Variants in CLNK observed in about 807,000 individuals in gnomAD.
The protein encoded by CLNK is cytokine-dependent hematopoietic cell linker.
Under a neutral mutation model 68.6 loss-of-function variants are expected in CLNK, and 74 were observed. The ratio of observed to expected loss-of-function variants is 1.08; its 90% CI spans 0.89 to 1.31. The LOEUF is 1.31. Ranked by LOEUF, CLNK falls within the 50% of genes most tolerant of loss-of-function variation. The probability of loss-of-function intolerance (pLI) is 0.00; values close to 1 mark genes in which losing one functional copy is unlikely to be tolerated. For missense variants in CLNK, 553 were observed against 515.3 expected (o/e 1.07, Z -0.71); for synonymous variants, 198 against 172.2 (o/e 1.15, Z -1.17).
intron 8 of CLNK, among the ~76,000 whole-genome samples, chr4:10,556,383 T>G (rs916564526): frequency 6.6e-5 from 10 of 152,224 alleles, no homozygotes; most frequent in African/African-American, 2.2e-4. Flanking sequence ...TCTATGTAGA[T>G]TTTCTTCTAT....
the CLNK span, among the ~76,000 whole-genome samples, chr4:10,711,491 G>A: frequency 6.6e-6 from 1 of 152,186 alleles, no homozygotes; most frequent in African/African-American, 2.4e-5. Flanking sequence ...AGAACACTGA[G>A]AGTCTTAGAA....
chr4:10,662,159 C>G (rs1234692881), intron 2 of CLNK, among the ~76,000 whole-genome samples: 1 of 152,138 alleles, frequency 6.6e-6, no homozygotes, highest in Non-Finnish European at 1.5e-5. Context: ...TGCTGGGGAG[C>G]ATCACAACAC....
At chr4:10,553,059 G>T (rs1240175371) in intron 8 of CLNK, among the ~76,000 whole-genome samples, 1 of 151,856 alleles carries the variant, frequency 6.6e-6, no homozygotes, top group Non-Finnish European at 1.5e-5. Context: ...GGAGGGGGGG[G>T]CATGCAGGGG....
In CLNK at chr4:10,540,543, G is replaced by A. The variant is rs370788959; in HGVS notation, c.553C>T (p.Pro185Ser). The A allele has an allele frequency of 1.2e-6, 2 of 1,613,848 alleles. No individual in the cohort carries two copies. The highest frequency in any genetic ancestry group is 1.7e-6 in the Non-Finnish European group (2 of 1,179,814). The change falls in exon 11 of 19, where the codon CCA becomes TCA. Residue 185 changes from proline (P) to serine (S), a missense_variant. By Grantham distance (74) the Pro-to-Ser change is moderately conservative. Coordinates refer to ENST00000226951, the MANE Select transcript of CLNK (RefSeq NM_052964.4). The stretch of plus-strand genomic sequence containing the variant: ...AAGGTGTGTCTCTGAGATAAAGGTG[G>A]CCTGCTGCTCTCCGGCTCAGGGGGC... ...PLPPEPESSR[P>S]PLSQRHTFPE...
In CLNK at chr4:10,486,599, T is replaced by C. The variant is rs1716365872; in HGVS notation, c.*3868A>G. The C allele has an allele frequency of 6.6e-6, 1 of 152,160 alleles. No homozygotes were observed. The highest frequency in any genetic ancestry group is 1.5e-5 in the Non-Finnish European group (1 of 68,034). The allele number at this position is 152,160 out of a possible 1,614,324, so 9.4% of individuals were successfully genotyped here. On this transcript the variant is annotated 3_prime_UTR_variant, in exon 19 of 19. Transcript: ENST00000226951. ...ACATTCGACAATGGGGTTCATTTGA[T>C]TCCTCCGTAGTAATTAGAACAGGAG... is the stretch of plus-strand genomic sequence containing the variant.
chr4:10,489,202 T>A lies in CLNK; in HGVS notation c.*1265A>T, dbSNP rs929240192. The A allele has an allele frequency of 2.0e-5, 3 of 152,156 alleles. No homozygotes were observed. Among genetic ancestry groups the A allele is most frequent in the Admixed American group, 1.3e-4 (2 of 15,262 alleles). The allele number at this position is 152,156 out of a possible 1,614,324, so 9.4% of individuals were successfully genotyped here. A position where few individuals can be genotyped will look rare whatever the true frequency, so the allele number is the denominator to read the frequency against. The stretch of plus-strand genomic sequence containing the variant: ...GGCTCTCTTCTCATATTGAGTAAGA[T>A]CAATAGCTACTTCGAGCCTCTGTTT... On this transcript the variant is annotated 3_prime_UTR_variant, in exon 19 of 19. Transcript: ENST00000226951.
intron 7 of CLNK, among the ~76,000 whole-genome samples, chr4:10,560,503 G>A (rs1028439265): frequency 6.6e-6 from 1 of 152,172 alleles, no homozygotes; most frequent in Non-Finnish European, 1.5e-5. Flanking sequence ...GAATGCAGTG[G>A]CATGATTTCA....
chr4:10,590,153 T>C (rs1388612569), intron 3 of CLNK, among the ~76,000 whole-genome samples: 1 of 152,208 alleles, frequency 6.6e-6, no homozygotes, highest in African/African-American at 2.4e-5. Flanking sequence ...AGGTCTGTGG[T>C]TTTTAATATT....
intron 15 of CLNK, among the ~76,000 whole-genome samples, chr4:10,513,968 AT>A (rs1197994925): frequency 7.3e-6 from 1 of 136,978 alleles, no homozygotes; most frequent in Non-Finnish European, 1.6e-5. Context: ...CTAACTCGTC[AT>A]CTAGCATTAG....
intron 4 of CLNK, among the ~76,000 whole-genome samples, chr4:10,584,643 C>A (rs1380116130): frequency 6.6e-6 from 1 of 152,106 alleles, no homozygotes; most frequent in East Asian, 1.9e-4. Flanking sequence ...ATACCCATTG[C>A]ACAGATGAAG....
At chr4:10,610,903 G>A (rs139903240) in intron 2 of CLNK, among the ~76,000 whole-genome samples, 36 of 152,232 alleles carry the variant, frequency 2.4e-4, no homozygotes, top group African/African-American at 7.5e-4. Flanking sequence ...GACATAATGA[G>A]CTGGCCATGG....
chr4:10,494,908 T>C (rs1055302581), intron 18 of CLNK, among the ~76,000 whole-genome samples: 12 of 152,336 alleles, frequency 7.9e-5, no homozygotes, highest in Middle Eastern at 3.4e-3. Context: ...TTATTAGATC[T>C]TAAAATCTGT....
chr4:10,600,094 G>A (rs1211718765), intron 2 of CLNK, among the ~76,000 whole-genome samples: 3 of 152,016 alleles, frequency 2.0e-5, no homozygotes, highest in Non-Finnish European at 4.4e-5. Flanking sequence ...TTTATTTCCT[G>A]CTACCCTCTC....
chr4:10,644,546 C>T (rs1723436510), intron 2 of CLNK, among the ~76,000 whole-genome samples: 2 of 152,138 alleles, frequency 1.3e-5, no homozygotes, highest in African/African-American at 4.8e-5. Flanking sequence ...GTGGTCTACA[C>T]TGTGCAACCC....
chr4:10,666,188 C>G (rs1468160150), intron 2 of CLNK, among the ~76,000 whole-genome samples: 1 of 152,120 alleles, frequency 6.6e-6, no homozygotes, highest in Non-Finnish European at 1.5e-5. Context: ...ACTTGCTGAA[C>G]CCTTAATTTC....
At chr4:10,522,572 CAAAAAA>C (rs58663693) in intron 14 of CLNK, among the ~76,000 whole-genome samples, 1 of 116,436 alleles carries the variant, frequency 8.6e-6, no homozygotes, top group African/African-American at 3.3e-5. Flanking sequence ...GAAACTCTCT[CAAAAAA>C]AAAAAAAAAA....
At chr4:10,722,879 G>A in the CLNK span, among the ~76,000 whole-genome samples, 51 of 152,182 alleles carry the variant, frequency 3.4e-4, no homozygotes, top group African/African-American at 1.2e-3. Flanking sequence ...GCAAAACACC[G>A]TCTCTACTAA....
At chr4:10,588,370 T>C in intron 3 of CLNK, among the ~76,000 whole-genome samples, 1 of 152,192 alleles carries the variant, frequency 6.6e-6, no homozygotes, top group Non-Finnish European at 1.5e-5. Flanking sequence ...CTAAAAAGCA[T>C]GTTGGAGATA....
chr4:10,510,021 G>T (rs1717504657), intron 16 of CLNK, among the ~76,000 whole-genome samples: 2 of 152,152 alleles, frequency 1.3e-5, no homozygotes, highest in Admixed American at 6.5e-5. Flanking sequence ...TGCTTCCAGG[G>T]GACCTCTTGG....
Sources: allele counts gnomAD v4.1 joint callset (sites outside exome capture counted in the v4.1 genomes callset), GRCh38; gene constraint gnomAD v4.1.1; transcripts MANE v1.5; gene names NCBI Gene and HGNC (gene_info 2026-07-23, HGNC 2026-07-21).